Variants in GABBR2 observed in about 807,000 individuals in gnomAD.
GABBR2 encodes G-protein coupled receptor 51.
A neutral mutation model predicts 105.6 loss-of-function variants in GABBR2; 23 were observed. The observed-to-expected ratio is 0.22, with a 90% CI of 0.16 to 0.31. The LOEUF is 0.31. Among genes scored for constraint, GABBR2 ranks in the 10% least tolerant of loss-of-function variants. GABBR2 has a pLI of 1.00. For missense variants in GABBR2, 734 were observed against 1,245.5 expected (o/e 0.59, Z 6.18); for synonymous variants, 478 against 499.7 (o/e 0.96, Z 0.58).
intron 1 of GABBR2, among the ~76,000 whole-genome samples, chr9:98,706,529 C>T (rs1030937546): frequency 2.6e-5 from 4 of 152,302 alleles, no homozygotes; most frequent in South Asian, 2.1e-4. Context: ...GACTTTGGGT[C>T]CTTTCACTCA....
intron 7 of GABBR2, among the ~76,000 whole-genome samples, chr9:98,418,117 G>A (rs569812809): frequency 3.2e-4 from 48 of 152,176 alleles, no homozygotes; most frequent in African/African-American, 1.1e-3. Context: ...CAGGTGCAAC[G>A]AGCTCTTTCC....
In GABBR2 at chr9:98,693,565, A is replaced by G. The variant is rs935066514; in HGVS notation, c.321+14852T>C. ...TCACTCTCATTCCTTTCCCTCCCAG[A>G]GGACCCACTGTTCTTTAGACAACAT... is the stretch of plus-strand genomic sequence containing the variant. On this transcript the variant is annotated intron_variant, in intron 1 of 18. Transcript: ENST00000259455. Among the ~76,000 whole-genome samples, 81 of 152,236 alleles carry G rather than the reference A, an allele frequency of 5.3e-4. 1 individual carries two copies. The highest frequency in any genetic ancestry group is 3.7e-4 in the Non-Finnish European group (25 of 68,044).
chr9:98,574,000 G>C (rs75220261), intron 2 of GABBR2, among the ~76,000 whole-genome samples: 17,554 of 152,216 alleles, frequency 0.12, 1,482 homozygotes, highest in African/African-American at 0.24. Flanking sequence ...TTTTTGAGCG[G>C]GGAATGGGCG....
intron 13 of GABBR2, among the ~76,000 whole-genome samples, chr9:98,353,322 A>G (rs1240546667): frequency 6.6e-6 from 1 of 152,146 alleles, no homozygotes; most frequent in Non-Finnish European, 1.5e-5. Context: ...TTATCTTGCT[A>G]TTTCCACCAG....
intron 1 of GABBR2, among the ~76,000 whole-genome samples, chr9:98,620,548 C>A (rs1341023734): frequency 6.6e-6 from 1 of 151,764 alleles, no homozygotes; most frequent in Admixed American, 6.6e-5. Context: ...CTTTGCCAAC[C>A]CACCCTTGAT....
intron 13 of GABBR2, among the ~76,000 whole-genome samples, chr9:98,335,647 T>C (rs1375804520): frequency 6.7e-6 from 1 of 148,616 alleles, no homozygotes; most frequent in African/African-American, 2.5e-5. Flanking sequence ...ACGAGTCAAG[T>C]TTCTCTTTGA....
At chr9:98,594,386 A>C (rs1447317050) in intron 1 of GABBR2, among the ~76,000 whole-genome samples, 3 of 152,304 alleles carry the variant, frequency 2.0e-5, no homozygotes, top group Non-Finnish European at 4.4e-5. Flanking sequence ...TCACGGAAGA[A>C]TGTGAGGCCT....
chr9:98,607,619 A>G, intron 1 of GABBR2: 1 of 709,080 alleles, frequency 1.4e-6, no homozygotes, highest in South Asian at 1.7e-5. Context: ...AGAGGAAAGC[A>G]GCATCCTTGG....
intron 12 of GABBR2, among the ~76,000 whole-genome samples, chr9:98,371,194 G>A: frequency 6.6e-6 from 1 of 152,118 alleles, no homozygotes; most frequent in East Asian, 1.9e-4. Flanking sequence ...CCAGGCCCCA[G>A]CATAGGTGGC....
intron 6 of GABBR2, among the ~76,000 whole-genome samples, chr9:98,466,729 C>T (rs949080696): frequency 1.3e-5 from 2 of 152,218 alleles, no homozygotes; most frequent in African/African-American, 4.8e-5. Flanking sequence ...ATGACTTGCA[C>T]AACATCACTG....
At chr9:98,352,909 T>A (rs376488179) in intron 13 of GABBR2, among the ~76,000 whole-genome samples, 9 of 152,218 alleles carry the variant, frequency 5.9e-5, no homozygotes, top group East Asian at 5.8e-4. Flanking sequence ...GGCTTCAGTA[T>A]GTATAGATGT....
chr9:98,351,292 T>A (rs1831395397), intron 13 of GABBR2, among the ~76,000 whole-genome samples: 1 of 152,246 alleles, frequency 6.6e-6, no homozygotes, highest in South Asian at 2.1e-4. Flanking sequence ...TGTTTTCTGA[T>A]TGTGTTGTAT....
chr9:98,618,050 CAA>C (rs1276509344), intron 1 of GABBR2, among the ~76,000 whole-genome samples: 1 of 152,218 alleles, frequency 6.6e-6, no homozygotes, highest in East Asian at 1.9e-4. Context: ...AGAAAGTGCT[CAA>C]AAAAGAGTAG....
At chr9:98,455,521 G>T (rs2131605562) in intron 6 of GABBR2, among the ~76,000 whole-genome samples, 1 of 152,350 alleles carries the variant, frequency 6.6e-6, no homozygotes, top group Middle Eastern at 3.4e-3. Flanking sequence ...GCACAGAGAG[G>T]TGCAGAGACA....
chr9:98,390,426 G>A (rs1244034024), intron 9 of GABBR2, among the ~76,000 whole-genome samples: 1 of 147,068 alleles, frequency 6.8e-6, no homozygotes, highest in Non-Finnish European at 1.5e-5. Context: ...ACATTCAGTG[G>A]ATTAAAAGAG....
chr9:98,517,509 G>C (rs1401316029), intron 3 of GABBR2, among the ~76,000 whole-genome samples: 1 of 152,214 alleles, frequency 6.6e-6, no homozygotes, highest in African/African-American at 2.4e-5. Flanking sequence ...AAACGCAGCT[G>C]CTTGCTGTAG....
chr9:98,520,683 G>A (rs776592906), intron 3 of GABBR2, among the ~76,000 whole-genome samples: 17 of 152,232 alleles, frequency 1.1e-4, no homozygotes, highest in Non-Finnish European at 2.2e-4. Flanking sequence ...AAACTTGGAG[G>A]CAGGGGAATG....
chr9:98,626,017 C>G (rs1397281707), intron 1 of GABBR2, among the ~76,000 whole-genome samples: 1 of 152,134 alleles, frequency 6.6e-6, no homozygotes, highest in Non-Finnish European at 1.5e-5. Context: ...TAGGGAGGCC[C>G]TGGGAGAACA....
intron 2 of GABBR2, among the ~76,000 whole-genome samples, chr9:98,542,305 A>C (rs1007049595): frequency 2.0e-5 from 3 of 152,228 alleles, no homozygotes; most frequent in Non-Finnish European, 2.9e-5. Context: ...GTTATCGTCT[A>C]TTCCTTCCCA....
Sources: allele counts gnomAD v4.1 joint callset (sites outside exome capture counted in the v4.1 genomes callset), GRCh38; gene constraint gnomAD v4.1.1; transcripts MANE v1.5; gene names NCBI Gene and HGNC (gene_info 2026-07-23, HGNC 2026-07-21).